Variants in PTPRN2 observed in about 807,000 individuals in gnomAD.
The protein encoded by PTPRN2 is receptor-type tyrosine-protein phosphatase N2.
In PTPRN2, 74 loss-of-function variants were observed where a neutral mutation model predicts 118.8. The ratio of observed to expected loss-of-function variants is 0.62; its 90% CI spans 0.52 to 0.76. The LOEUF (loss-of-function observed/expected upper bound fraction) is 0.76. Ranked by LOEUF, PTPRN2 falls within the 30% of genes least tolerant of loss-of-function variation. The pLI is 0.00. For synonymous variants in PTPRN2, 641 were observed against 608.0 expected, an observed-to-expected ratio of 1.05 and a Z score of -0.80; for missense variants, 1,481 against 1,394.4, an observed-to-expected ratio of 1.06 and a Z score of -0.99.
chr7:158,177,148 C>A (rs545009245), intron 5 of PTPRN2, among the ~76,000 whole-genome samples: 1 of 152,210 alleles, frequency 6.6e-6, no homozygotes, highest in African/African-American at 2.4e-5. Flanking sequence ...CAAGGACAGA[C>A]GTATCTTTAG....
chr7:157,551,949 A>G (rs1585019692), intron 21 of PTPRN2, among the ~76,000 whole-genome samples: 1 of 130,880 alleles, frequency 7.6e-6, no homozygotes, highest in Admixed American at 7.6e-5. Flanking sequence ...CAGCCACCAC[A>G]CAACCCACAG....
At chr7:158,180,671 T>C (rs927233470) in intron 5 of PTPRN2, among the ~76,000 whole-genome samples, 1 of 152,164 alleles carries the variant, frequency 6.6e-6, no homozygotes, top group Non-Finnish European at 1.5e-5. Context: ...TGGTTAAGTA[T>C]ATTGATAGGT....
At chr7:158,309,703 G>A (rs759150760) in intron 3 of PTPRN2, among the ~76,000 whole-genome samples, 4 of 152,012 alleles carry the variant, frequency 2.6e-5, no homozygotes, top group Non-Finnish European at 5.9e-5. Flanking sequence ...TATACAGCAT[G>A]GTCAAGTAAG....
intron 12 of PTPRN2, among the ~76,000 whole-genome samples, chr7:157,820,430 A>G (rs1806752357): frequency 6.6e-6 from 1 of 151,604 alleles, no homozygotes; most frequent in Non-Finnish European, 1.5e-5. Flanking sequence ...CACTCCACAC[A>G]CCTGCACACA....
intron 6 of PTPRN2, among the ~76,000 whole-genome samples, chr7:158,150,252 G>A (rs1179820227): frequency 2.0e-5 from 3 of 152,250 alleles, no homozygotes; most frequent in African/African-American, 7.2e-5. Context: ...ATGTATTCAT[G>A]AGAGATTTTT....
rs1475152371 is a variant in PTPRN2 at position 157,632,133 on chromosome 7, G to A, written c.2197-10624C>T. Reference sequence around the variant, plus strand: ...AATTTGGCTTTTGATGTTCCAAATCGATAACAAAGTCCAGAGTTGTAAGAA... The same window carrying A: ...AATTTGGCTTTTGATGTTCCAAATCAATAACAAAGTCCAGAGTTGTAAGAA... On this transcript the variant is annotated intron_variant, in intron 14 of 22. Coordinates refer to ENST00000389418, the MANE Select transcript of PTPRN2 (RefSeq NM_002847.5). The surrounding 1 kb of genome is among the most constrained non-coding windows in gnomAD (Gnocchi z 4.3). Among the ~76,000 whole-genome samples the A allele has an allele frequency of 6.6e-6, 1 of 152,116 alleles. No homozygotes were observed. Among genetic ancestry groups the A allele is most frequent in the Admixed American group, 6.5e-5 (1 of 15,278 alleles).
chr7:158,185,095 G>C (rs996674763), intron 5 of PTPRN2, among the ~76,000 whole-genome samples: 1 of 152,162 alleles, frequency 6.6e-6, no homozygotes, highest in Non-Finnish European at 1.5e-5. Context: ...AATCTGCCTT[G>C]ATTATGATGC....
chr7:158,330,308 T>C (rs1325551018), intron 2 of PTPRN2, among the ~76,000 whole-genome samples: 19 of 92,894 alleles, frequency 2.0e-4, no homozygotes, highest in Admixed American at 3.4e-4. Context: ...CCATAAGAGC[T>C]GACACCCGCA....
In PTPRN2 at chr7:158,407,654, GCATCCT is replaced by G. The variant is rs1340818425; in HGVS notation, c.163+82075_163+82080del. Among the ~76,000 whole-genome samples the G allele has an allele frequency of 2.0e-4, 8 of 39,148 alleles. 1 individual carries two copies. Among genetic ancestry groups the G allele is most frequent in the African/African-American group, 2.7e-4 (4 of 14,730 alleles). 25.7% of individuals were successfully genotyped at this position (39,148 alleles called of 152,430 possible). On this transcript the variant is annotated intron_variant, in intron 2 of 22. Transcript: ENST00000389418. The stretch of plus-strand genomic sequence containing the variant: ...TCCTGCGTCCTGGGTCCTGGGTCCT[GCATCCT>G]GCGTCCTGCGTCCTGGGTCCTGGGT...
At chr7:158,071,449 TCG>T (rs1811617453) in intron 11 of PTPRN2, among the ~76,000 whole-genome samples, 7 of 61,848 alleles carry the variant, frequency 1.1e-4, no homozygotes, top group Admixed American at 3.1e-4. Context: ...GTGGAGGTGC[TCG>T]TGGTTGAGGT....
At chr7:158,350,292 C>T (rs1586421925) in intron 2 of PTPRN2, among the ~76,000 whole-genome samples, 1 of 152,328 alleles carries the variant, frequency 6.6e-6, no homozygotes, top group South Asian at 2.1e-4. Flanking sequence ...ACAAACTCCA[C>T]TGAAACAGGC....
intron 1 of PTPRN2, among the ~76,000 whole-genome samples, chr7:158,503,771 C>A (rs1822548491): frequency 6.6e-6 from 1 of 152,168 alleles, no homozygotes; most frequent in African/African-American, 2.4e-5. Flanking sequence ...GAGGCCGAGG[C>A]AGGCAGATCA....
intron 2 of PTPRN2, among the ~76,000 whole-genome samples, chr7:158,340,447 C>A (rs1383281037): frequency 1.1e-4 from 7 of 64,052 alleles, no homozygotes; most frequent in East Asian, 1.0e-3. Flanking sequence ...TAAGAGCTGA[C>A]ACCCGCAGAC....
At chr7:158,358,163 A>C (rs904703436) in intron 2 of PTPRN2, among the ~76,000 whole-genome samples, 1 of 152,146 alleles carries the variant, frequency 6.6e-6, no homozygotes, top group Non-Finnish European at 1.5e-5. Context: ...GGTGCCCAGC[A>C]AGCCTCGGGA....
In PTPRN2 at chr7:158,111,830, T is replaced by C. The variant is rs143028461; in HGVS notation, c.1557-915A>G. ...TTATGTCACCTAAAAATTCATATGT[T>C]GAAATCCTAAAACCCAAATAATGTG... is the stretch of plus-strand genomic sequence containing the variant. On this transcript the variant is annotated intron_variant, in intron 9 of 22. Coordinates refer to ENST00000389418, the MANE Select transcript of PTPRN2 (RefSeq NM_002847.5). 5.1e-3 allele frequency among the ~76,000 whole-genome samples: 781 copies of C among 152,284 alleles called. 3 individuals carry two copies. The highest frequency in any genetic ancestry group is 0.018 in the African/African-American group (752 of 41,548).
chr7:158,117,001 C>A (rs985288930), intron 9 of PTPRN2, among the ~76,000 whole-genome samples: 1 of 151,840 alleles, frequency 6.6e-6, no homozygotes. Flanking sequence ...TTCTAGTTTT[C>A]AACAAAAAAT....
chr7:157,820,107 TCACA>T (rs1369079061), intron 12 of PTPRN2, among the ~76,000 whole-genome samples: 1 of 146,236 alleles, frequency 6.8e-6, no homozygotes, highest in East Asian at 2.0e-4. Flanking sequence ...ACATCCACAC[TCACA>T]CATGCACTCC....
chr7:158,023,328 T>C (rs1284944138), intron 11 of PTPRN2, among the ~76,000 whole-genome samples: 1 of 152,024 alleles, frequency 6.6e-6, no homozygotes, highest in Non-Finnish European at 1.5e-5. Flanking sequence ...CTCTGCTCTC[T>C]CAGTCCCCAG....
intron 12 of PTPRN2, among the ~76,000 whole-genome samples, chr7:157,810,650 C>T (rs1405435756): frequency 1.0e-4 from 9 of 90,388 alleles, no homozygotes; most frequent in African/African-American, 3.7e-4. Context: ...ACGGGAACGG[C>T]GGGACTGCTG....
Sources: gnomAD v4.1 joint callset for allele counts (sites outside exome capture counted in the v4.1 genomes callset) on GRCh38, gnomAD v4.1.1 for gene constraint, Gnocchi (gnomAD v3.1) non-coding constraint, MANE v1.5 for transcripts, NCBI Gene and HGNC (gene_info 2026-07-23, HGNC 2026-07-21) for gene names.